Variants in MGAT3 observed in about 807,000 individuals in gnomAD.
MGAT3 encodes GlcNAc-T III.
MGAT3 carries 9 observed loss-of-function variants against 29.8 expected under a neutral mutation model. The ratio of observed to expected loss-of-function variants is 0.30; its 90% CI spans 0.18 to 0.53. MGAT3 has a LOEUF of 0.53. Ranked by LOEUF, MGAT3 falls within the 20% of genes least tolerant of loss-of-function variation. MGAT3 has a pLI of 0.96. For synonymous variants in MGAT3, 397 were observed against 348.9 expected, an observed-to-expected ratio of 1.14 and a Z score of -1.54; for missense variants, 557 against 769.5, an observed-to-expected ratio of 0.72 and a Z score of 3.27.
chr22:39,462,651 C>G (rs1484742230), intron 1 of MGAT3, among the ~76,000 whole-genome samples: 1 of 152,192 alleles, frequency 6.6e-6, no homozygotes, highest in Non-Finnish European at 1.5e-5. Context: ...AGGCCAGGAA[C>G]CCCCTCTCAC....
At chr22:39,484,241 C>T (rs1048743097) in intron 1 of MGAT3, among the ~76,000 whole-genome samples, 3 of 152,180 alleles carry the variant, frequency 2.0e-5, no homozygotes, top group South Asian at 2.1e-4. Context: ...AATTAAACTG[C>T]GGGCATCCAG....
At chr22:39,475,982 G>A (rs1380890152) in intron 1 of MGAT3, 2 of 152,330 alleles carry the variant, frequency 1.3e-5, no homozygotes, top group Admixed American at 6.5e-5. Context: ...AGCCTCTGGG[G>A]ATGAGGAGCT....
intron 1 of MGAT3, among the ~76,000 whole-genome samples, chr22:39,475,128 C>CTTTTTTTTTTTTTTTTTTTTTTTT (rs58543840): frequency 3.4e-5 from 4 of 118,770 alleles, no homozygotes; most frequent in African/African-American, 1.5e-4. Flanking sequence ...GCTTGCCAGG[C>CTTTTTTTTTTTTTTTTTTTTTTTT]TTTTTTTTTT....
rs913446420 is a variant in MGAT3 at position 39,489,153 on chromosome 22, G to C, written c.*204G>C. 9.3e-6 allele frequency: 7 copies of C among 751,014 alleles called. No homozygotes were observed. Among genetic ancestry groups the C allele is most frequent in the Admixed American group, 5.9e-5 (2 of 33,816 alleles). 46.5% of individuals were successfully genotyped at this position (751,014 alleles called of 1,614,324 possible). ...TCAGAAAATATCCCTCCTGTTGGGA[G>C]AGGGCGCAGGCCGTGACGTCTGGGT... On this transcript the variant is annotated 3_prime_UTR_variant, in exon 2 of 2. Coordinates refer to ENST00000341184, the MANE Select transcript of MGAT3 (RefSeq NM_002409.5).
intron 1 of MGAT3, among the ~76,000 whole-genome samples, chr22:39,463,887 C>T (rs1928564137): frequency 6.6e-6 from 1 of 151,928 alleles, no homozygotes; most frequent in South Asian, 2.1e-4. Flanking sequence ...CACTCTCCAG[C>T]CTGAGCGACA....
At chr22:39,458,894 G>A (rs1259144056) in intron 1 of MGAT3, among the ~76,000 whole-genome samples, 4 of 152,090 alleles carry the variant, frequency 2.6e-5, no homozygotes, top group African/African-American at 9.7e-5. Flanking sequence ...CCAGGTGGAG[G>A]TGAGGTGGGA....
At position 39,488,439 on chromosome 22, in the gene MGAT3, C is replaced by T. The variant is rs140125443; in HGVS notation, c.1092C>T (p.Gly364=). The T allele has an allele frequency of 2.9e-5, 46 of 1,612,752 alleles. No homozygotes were observed. Among genetic ancestry groups the T allele is most frequent in the Non-Finnish European group, 3.5e-5 (41 of 1,180,026 alleles). ...KQPGTLEVVS[G]CTVDMLQAVY... ...CGGGCACCCTGGAGGTGGTGTCAGG[C>T]TGCACGGTGGACATGCTGCAGGCAG... is the stretch of plus-strand genomic sequence containing the variant. The change falls in exon 2 of 2, where the codon GGC becomes GGT. Residue 364 remains glycine, a synonymous_variant. Transcript: ENST00000341184.
intron 1 of MGAT3, among the ~76,000 whole-genome samples, chr22:39,485,453 T>C (rs1025472411): frequency 2.6e-5 from 4 of 152,226 alleles, no homozygotes; most frequent in African/African-American, 7.2e-5. Context: ...GCCTCTGTGC[T>C]GTCTTTGCAC....
intron 1 of MGAT3, among the ~76,000 whole-genome samples, chr22:39,463,878 A>G (rs1465628190): frequency 6.6e-6 from 1 of 151,664 alleles, no homozygotes; most frequent in Non-Finnish European, 1.5e-5. Flanking sequence ...TCGCACCACC[A>G]CTCTCCAGCC....
intron 1 of MGAT3, chr22:39,476,052 C>A (rs1468014399): frequency 6.6e-6 from 1 of 152,250 alleles, no homozygotes; most frequent in African/African-American, 2.4e-5. Flanking sequence ...AGGGGTAGAT[C>A]CCAGCTTTGG....
chr22:39,487,630 C>T lies in MGAT3; in HGVS notation c.283C>T (p.Arg95Trp), dbSNP rs551825414. Residue 95 changes from arginine (R) to tryptophan (W), a missense_variant, in exon 2 of 2, where the codon CGG (arginine) becomes TGG (tryptophan). Coordinates refer to ENST00000341184, the MANE Select transcript of MGAT3 (RefSeq NM_002409.5). The surrounding 1 kb of genome is among the most constrained non-coding windows in gnomAD (Gnocchi z 5.7). ...CAGCAAGGCGGCCGAGGAGCTCCACCGGGTGGACTTGGTGCTGCCCGAGGA... is the reference window on the plus strand; with the variant it reads ...CAGCAAGGCGGCCGAGGAGCTCCACTGGGTGGACTTGGTGCTGCCCGAGGA... Reference protein sequence around the residue: ...PPSKAAEELHRVDLVLPEDTT... With the variant: ...PPSKAAEELHWVDLVLPEDTT... The T allele has an allele frequency of 1.4e-5, 23 of 1,611,370 alleles. No homozygotes were observed. The highest frequency in any genetic ancestry group is 3.3e-5 in the Admixed American group (2 of 59,778).
In MGAT3 at chr22:39,457,428, G is replaced by C. The variant is rs921185832; in HGVS notation, c.-131G>C. On this transcript the variant is annotated 5_prime_UTR_variant, in exon 1 of 2. Transcript: ENST00000341184. This position sits in a 1 kb window ranked among gnomAD's most constrained non-coding sequence, Gnocchi z 6.8. ...GCGATGCCGGGCGCCCGCCGCAGCC[G>C]CTGCCGCCGGAGCCCGGGATGGGGC... is the stretch of plus-strand genomic sequence containing the variant. The C allele has an allele frequency of 1.6e-4, 24 of 147,770 alleles. No individual in the cohort carries two copies. The highest frequency in any genetic ancestry group is 5.4e-4 in the African/African-American group (22 of 40,814). The allele number at this position is 147,770 out of a possible 1,614,324, so 9.2% of individuals were successfully genotyped here.
At position 39,457,670 on chromosome 22, in the gene MGAT3, G is replaced by A. The variant is rs1157737625; in HGVS notation, c.-2+113G>A. 1.3e-5 allele frequency: 2 copies of A among 150,322 alleles called. No homozygotes were observed. The highest frequency in any genetic ancestry group is 6.6e-5 in the Admixed American group (1 of 15,116). The allele number at this position is 150,322 out of a possible 1,614,324, so 9.3% of individuals were successfully genotyped here. A position where few individuals can be genotyped will look rare whatever the true frequency, so the allele number is the denominator to read the frequency against. On this transcript the variant is annotated intron_variant, in intron 1 of 1. Coordinates refer to ENST00000341184, the MANE Select transcript of MGAT3 (RefSeq NM_002409.5). The surrounding 1 kb of genome is among the most constrained non-coding windows in gnomAD (Gnocchi z 6.8). ...CCCGGCTCCGCGGCCCACTCCCCGA[G>A]CGTGACCTTAGGGGGCGGGCGCGGG...
chr22:39,487,511 C>G lies in MGAT3; in HGVS notation c.164C>G (p.Pro55Arg), dbSNP rs745788091. 6.2e-7 allele frequency: 1 copy of G among 1,613,206 alleles called. No homozygotes were observed. The highest frequency in any genetic ancestry group is 8.5e-7 in the Non-Finnish European group (1 of 1,179,996). ...LVSSFFWNNA[P>R]VTPQASPEPG... ...TCCAGCTTTTTCTGGAACAATGCCC[C>G]GGTCACGCCCCAGGCCAGCCCCGAG... Residue 55 changes from proline to arginine, a missense_variant, in exon 2 of 2, where the codon CCG (proline) becomes CGG (arginine). Pro to Arg is a moderately radical substitution (Grantham distance 103, BLOSUM62 -2). This residue lies in a region of MGAT3 where 212 missense variants were observed against 228.5 expected (regional missense o/e 0.93). Transcript: ENST00000341184. This position sits in a 1 kb window ranked among gnomAD's most constrained non-coding sequence, Gnocchi z 5.7.
chr22:39,464,259 C>T (rs192449292), intron 1 of MGAT3, among the ~76,000 whole-genome samples: 128 of 152,266 alleles, frequency 8.4e-4, no homozygotes, highest in African/African-American at 3.0e-3. Context: ...CATCTTGCTA[C>T]CTGGGGCCTG....
At chr22:39,467,889 C>A (rs973128409) in intron 1 of MGAT3, among the ~76,000 whole-genome samples, 2 of 151,190 alleles carry the variant, frequency 1.3e-5, no homozygotes, top group Non-Finnish European at 2.9e-5. Context: ...AGGAGGAAAC[C>A]TGGAGCAGCA....
rs140710790 is a variant in MGAT3 at position 39,488,618 on chromosome 22, C to T, written c.1271C>T (p.Thr424Met). 8 of 1,613,244 alleles carry T rather than the reference C, an allele frequency of 5.0e-6. No individual in the cohort carries two copies. The highest frequency in any genetic ancestry group is 6.8e-6 in the Non-Finnish European group (8 of 1,180,016). Residue 424 changes from threonine to methionine, a missense_variant, in exon 2 of 2, where the codon ACG (threonine) becomes ATG (methionine). Physicochemically the swap from Thr to Met is moderately conservative, Grantham distance 81 (BLOSUM62 -1). Around this residue, in one of 3 missense-constraint regions of MGAT3, gnomAD observed 243 missense variants for 444.0 expected, o/e 0.55. Transcript: ENST00000341184. ...GGCTGGCACTGCTCCTGGTGCTTCA[C>T]GCCCGAGGGCATCTACTTCAAGCTC... ...FAGWHCSWCF[T>M]PEGIYFKLVS... is the part of the protein sequence containing the mutation.
intron 1 of MGAT3, among the ~76,000 whole-genome samples, chr22:39,479,597 C>T (rs1217719840): frequency 6.6e-6 from 1 of 152,248 alleles, no homozygotes; most frequent in Non-Finnish European, 1.5e-5. Context: ...TGTGTCCCCA[C>T]CCAAAGGCTC....
Position 39,489,113 on chromosome 22 carries a change from G to A in MGAT3, c.*164G>A, listed in dbSNP as rs957310277. On this transcript the variant is annotated 3_prime_UTR_variant, in exon 2 of 2. Transcript: ENST00000341184. ...CTACTGAAGCCCTTGTGAATCAAGGGTCAGGCCTTTGAGCTCAGAAAATAT... is the reference window on the plus strand; with the variant it reads ...CTACTGAAGCCCTTGTGAATCAAGGATCAGGCCTTTGAGCTCAGAAAATAT... The A allele has an allele frequency of 3.1e-6, 3 of 980,738 alleles. No homozygotes were observed. Among genetic ancestry groups the A allele is most frequent in the South Asian group, 1.7e-5 (1 of 57,524 alleles). The allele number at this position is 980,738 out of a possible 1,614,324, so 60.8% of individuals were successfully genotyped here.
Sources: gnomAD v4.1 joint callset for allele counts (sites outside exome capture counted in the v4.1 genomes callset) on GRCh38, gnomAD v4.1.1 for gene constraint, gnomAD v4.1.1 regional missense constraint, Gnocchi (gnomAD v3.1) non-coding constraint, MANE v1.5 for transcripts, NCBI Gene and HGNC (gene_info 2026-07-23, HGNC 2026-07-21) for gene names.